PTPN1: variants seen among roughly 807,000 people sequenced by gnomAD.
PTPN1 encodes the protein tyrosine-protein phosphatase non-receptor type 1.
A neutral mutation model predicts 59.9 loss-of-function variants in PTPN1; 12 were observed. The ratio of observed to expected loss-of-function variants is 0.20; its 90% confidence interval spans 0.13 to 0.32. PTPN1 has a LOEUF of 0.32. Among genes scored for constraint, PTPN1 ranks in the 10% least tolerant of loss-of-function variants. PTPN1 has a pLI of 1.00. For missense variants in PTPN1, 356 were observed against 549.2 expected (o/e 0.65, Z 3.52); for synonymous variants, 178 against 203.6 (o/e 0.87, Z 1.07).
intron 4 of PTPN1, chr20:50,572,122 G>C (rs2082812919): frequency 6.6e-6 from 1 of 152,204 alleles, no homozygotes; most frequent in South Asian, 2.1e-4. Flanking sequence ...AAGGCCCCAA[G>C]GACTGTTTAA....
intron 1 of PTPN1, among the ~76,000 whole-genome samples, chr20:50,513,843 A>T (rs1420079632): frequency 6.6e-6 from 1 of 152,194 alleles, no homozygotes; most frequent in Non-Finnish European, 1.5e-5. Context: ...GAGGAAAAAA[A>T]ACTATTTTAT....
At chr20:50,535,098 C>A (rs2082618697) in intron 1 of PTPN1, among the ~76,000 whole-genome samples, 1 of 152,182 alleles carries the variant, frequency 6.6e-6, no homozygotes, top group African/African-American at 2.4e-5. Flanking sequence ...AGTTCAGGCC[C>A]TTCTCATCTG....
intron 2 of PTPN1, among the ~76,000 whole-genome samples, chr20:50,562,008 C>T (rs894981687): frequency 1.8e-4 from 27 of 152,180 alleles, no homozygotes; most frequent in Admixed American, 1.6e-3. Flanking sequence ...CAGCCCTGTC[C>T]GCCTTCTGAG....
Position 50,579,748 on chromosome 20 carries a change from G to A in PTPN1, c.910G>A (p.Glu304Lys), listed in dbSNP as rs116696243. 4.5e-5 allele frequency: 72 copies of A among 1,612,078 alleles called. No individual in the cohort carries two copies. In the African/African-American group the frequency reaches 7.2e-4, roughly 16 times the overall value. The change falls in exon 8 of 10, where the codon GAG (glutamate) becomes AAG (lysine). Residue 304 changes from glutamate (E) to lysine (K), a missense_variant. By Grantham distance (56) the Glu-to-Lys change is moderately conservative. Coordinates refer to ENST00000371621, the MANE Select transcript of PTPN1 (RefSeq NM_002827.4). The stretch of plus-strand genomic sequence containing the variant: ...CCACGAGGACCTGGAGCCCCCACCC[G>A]AGCATATCCCCCCACCTCCCCGGCC... ...LSHEDLEPPP[E>K]HIPPPPRPPK... is the part of the protein sequence containing the mutation.
intron 1 of PTPN1, among the ~76,000 whole-genome samples, chr20:50,535,059 C>G (rs775580264): frequency 7.9e-5 from 12 of 152,050 alleles, no homozygotes; most frequent in Non-Finnish European, 1.5e-4. Flanking sequence ...ATGTCTGAAA[C>G]TCTTTCCTTC....
Position 50,578,593 on chromosome 20 carries a change from T to C in PTPN1, c.666T>C (p.Ser222=). ...ACTGCAGTGCAGGCATCGGCAGGTCTGGAACCTTCTGTCTGGCTGATACCT... is the reference window on the plus strand; with the variant it reads ...ACTGCAGTGCAGGCATCGGCAGGTCCGGAACCTTCTGTCTGGCTGATACCT... ...VVHCSAGIGR[S]GTFCLADTCL... Residue 222 remains serine (S), a synonymous_variant, in exon 6 of 10, where the codon TCT becomes TCC. Coordinates refer to ENST00000371621, the MANE Select transcript of PTPN1 (RefSeq NM_002827.4). 1 of 1,614,186 alleles carries C rather than the reference T, an allele frequency of 6.2e-7. No homozygotes were observed.
chr20:50,578,364 G>A, intron 5 of PTPN1, 56 bp from the exon 6 acceptor site: 1 of 1,443,678 alleles, frequency 6.9e-7, no homozygotes. Flanking sequence ...CTTGGAATTA[G>A]TGATTTCTGT....
intron 4 of PTPN1, among the ~76,000 whole-genome samples, chr20:50,569,695 G>T (rs2082797979): frequency 6.6e-6 from 1 of 151,170 alleles, no homozygotes; most frequent in Admixed American, 6.6e-5. Flanking sequence ...GTCGTGTATA[G>T]ACTGTCCTGT....
intron 3 of PTPN1, among the ~76,000 whole-genome samples, chr20:50,567,929 T>A (rs1248909397): frequency 6.6e-6 from 1 of 152,208 alleles, no homozygotes; most frequent in African/African-American, 2.4e-5. Context: ...ATGGGGAAAC[T>A]GGGGCAGGGA....
At chr20:50,523,749 G>C (rs1216653169) in intron 1 of PTPN1, among the ~76,000 whole-genome samples, 1 of 152,170 alleles carries the variant, frequency 6.6e-6, no homozygotes, top group Non-Finnish European at 1.5e-5. Flanking sequence ...ACAGGCCTAG[G>C]CTCCAGGTGC....
chr20:50,575,537 G>T (rs905004175), intron 5 of PTPN1, among the ~76,000 whole-genome samples: 1 of 152,246 alleles, frequency 6.6e-6, no homozygotes, highest in African/African-American at 2.4e-5. Flanking sequence ...CTCCAGGGCT[G>T]TGTGGGTGGG....
chr20:50,531,510 G>A (rs2082600960), intron 1 of PTPN1, among the ~76,000 whole-genome samples: 1 of 152,156 alleles, frequency 6.6e-6, no homozygotes, highest in Non-Finnish European at 1.5e-5. Flanking sequence ...CTTAGTAGCT[G>A]GGATTTCAGG....
chr20:50,569,440 T>C (rs2082795625), intron 4 of PTPN1, among the ~76,000 whole-genome samples: 1 of 152,232 alleles, frequency 6.6e-6, no homozygotes, highest in South Asian at 2.1e-4. Context: ...CATTCTCCCC[T>C]GCCCTCCTCA....
chr20:50,538,224 T>TA (rs5841805), intron 1 of PTPN1, among the ~76,000 whole-genome samples: 61,061 of 145,270 alleles, frequency 0.42, 12,815 homozygotes, highest in African/African-American at 0.55. Context: ...TGTAAAAAGT[T>TA]AAAAAAAAAA....
In PTPN1 at chr20:50,582,768, C is replaced by T. The variant is rs1187441172; in HGVS notation, c.*53C>T. On this transcript the variant is annotated 3_prime_UTR_variant, in exon 10 of 10. Coordinates refer to ENST00000371621, the MANE Select transcript of PTPN1 (RefSeq NM_002827.4). This position sits in a 1 kb window ranked among gnomAD's most constrained non-coding sequence, Gnocchi z 4.2. ...CCACTGTCCGCCTCTGCCCGCAGAGCCCACGCCCGACTAGCAGGCATGCCG... is the reference window on the plus strand; with the variant it reads ...CCACTGTCCGCCTCTGCCCGCAGAGTCCACGCCCGACTAGCAGGCATGCCG... 1 of 1,606,864 alleles carries T rather than the reference C, an allele frequency of 6.2e-7. No homozygotes were observed. Among genetic ancestry groups the T allele is most frequent in the Non-Finnish European group, 8.5e-7 (1 of 1,175,488 alleles).
At chr20:50,556,312 T>C (rs1257466221) in intron 1 of PTPN1, among the ~76,000 whole-genome samples, 1 of 152,052 alleles carries the variant, frequency 6.6e-6, no homozygotes, top group Non-Finnish European at 1.5e-5. Flanking sequence ...CCTCAACCCC[T>C]TGTGTAGATG....
In PTPN1 at chr20:50,546,213, G is replaced by T. The variant is rs115648515; in HGVS notation, c.64-15150G>T. Among the ~76,000 whole-genome samples, 939 of 152,290 alleles carry T rather than the reference G, an allele frequency of 6.2e-3. 10 individuals carry two copies. Among genetic ancestry groups the T allele is most frequent in the African/African-American group, 0.02 (821 of 41,566 alleles). On this transcript the variant is annotated intron_variant, in intron 1 of 9. Coordinates refer to ENST00000371621, the MANE Select transcript of PTPN1 (RefSeq NM_002827.4). ...CAGGCTCTGTGAGGGCAGGTCTTTT[G>T]TCTTTCTTGTTAATCTTCATATGCT... is the stretch of plus-strand genomic sequence containing the variant.
chr20:50,522,799 G>C (rs534266948), intron 1 of PTPN1, among the ~76,000 whole-genome samples: 1 of 152,302 alleles, frequency 6.6e-6, no homozygotes, highest in South Asian at 2.1e-4. Context: ...TGTTGCCCAG[G>C]CTGGGGTGCA....
chr20:50,550,221 C>T (rs185699044), intron 1 of PTPN1, among the ~76,000 whole-genome samples: 281 of 152,280 alleles, frequency 1.8e-3, no homozygotes, highest in African/African-American at 6.2e-3. Flanking sequence ...TTTCTGAAAG[C>T]CAGTAGCTTC....
Sources: gnomAD v4.1 joint callset for allele counts (sites outside exome capture counted in the v4.1 genomes callset) on GRCh38, gnomAD v4.1.1 for gene constraint, Gnocchi (gnomAD v3.1) non-coding constraint, MANE v1.5 for transcripts, NCBI Gene and HGNC (gene_info 2026-07-23, HGNC 2026-07-21) for gene names.